The following ADAMTSL1 variants were observed in gnomAD, a reference collection of about 807,000 sequenced individuals.
ADAMTSL1 encodes the protein ADAMTS-like protein 1.
ADAMTSL1 carries 126 observed loss-of-function variants against 201.8 expected under a neutral mutation model. The observed-to-expected ratio is 0.62, with a 90% CI of 0.54 to 0.72. The LOEUF is 0.72. ADAMTSL1 is among the 30% of genes least tolerant of loss of function. ADAMTSL1 has a pLI of 0.00. For synonymous variants in ADAMTSL1, 1,121 were observed against 903.4 expected (o/e 1.24, Z -4.32); for missense variants, 2,679 against 2,277.8 (o/e 1.18, Z -3.59).
At chr9:18,565,027 C>G (rs1339031705) in intron 3 of ADAMTSL1, among the ~76,000 whole-genome samples, 2 of 152,126 alleles carry the variant, frequency 1.3e-5, no homozygotes, top group Non-Finnish European at 2.9e-5. Flanking sequence ...ACTTTTAAAG[C>G]TAAATGTTTT....
intron 1 of ADAMTSL1, among the ~76,000 whole-genome samples, chr9:17,923,453 G>T (rs1252831706): frequency 1.3e-5 from 2 of 150,090 alleles, no homozygotes; most frequent in East Asian, 3.9e-4. Context: ...GTCTGTTGTT[G>T]GTGTATAAGA....
At chr9:18,346,902 G>T (rs1254516017) in intron 2 of ADAMTSL1, among the ~76,000 whole-genome samples, 2 of 152,094 alleles carry the variant, frequency 1.3e-5, no homozygotes, top group East Asian at 1.9e-4. Flanking sequence ...ACAATGGAAG[G>T]CCCCAGCACA....
chr9:18,298,833 A>T (rs142421385), intron 2 of ADAMTSL1, among the ~76,000 whole-genome samples: 202 of 151,960 alleles, frequency 1.3e-3, no homozygotes, highest in African/African-American at 4.1e-3. Flanking sequence ...ACCACGGTGA[A>T]ACCCCGTCTC....
At chr9:18,217,252 G>A (rs1830088033) in intron 2 of ADAMTSL1, among the ~76,000 whole-genome samples, 1 of 152,154 alleles carries the variant, frequency 6.6e-6, no homozygotes, top group South Asian at 2.1e-4. Flanking sequence ...TCATTATGCT[G>A]CTTATTCTTC....
chr9:18,159,930 C>T (rs1252604421), intron 1 of ADAMTSL1, among the ~76,000 whole-genome samples: 1 of 152,004 alleles, frequency 6.6e-6, no homozygotes, highest in East Asian at 1.9e-4. Flanking sequence ...TTTAAACTAC[C>T]TTTACCTCAT....
At chr9:18,080,778 T>C (rs1424702607) in intron 1 of ADAMTSL1, among the ~76,000 whole-genome samples, 1 of 152,214 alleles carries the variant, frequency 6.6e-6, no homozygotes, top group Non-Finnish European at 1.5e-5. Context: ...ATGTAGATTT[T>C]CTGGTTCTAA....
At chr9:18,527,693 C>G (rs921174398) in intron 2 of ADAMTSL1, among the ~76,000 whole-genome samples, 1 of 151,984 alleles carries the variant, frequency 6.6e-6, no homozygotes, top group Non-Finnish European at 1.5e-5. Context: ...AGTATGTATC[C>G]AGTATATACT....
intron 14 of ADAMTSL1, among the ~76,000 whole-genome samples, chr9:18,708,357 T>G (rs1464253350): frequency 6.6e-6 from 1 of 152,194 alleles, no homozygotes; most frequent in African/African-American, 2.4e-5. Flanking sequence ...ATCTTCCAGT[T>G]TCAAACCCTG....
chr9:17,972,064 A>G (rs1818225115), intron 1 of ADAMTSL1, among the ~76,000 whole-genome samples: 1 of 151,876 alleles, frequency 6.6e-6, no homozygotes, highest in Admixed American at 6.6e-5. Context: ...ACCACTATAC[A>G]CTAATTAACA....
chr9:18,422,259 G>A (rs1818989899), intron 2 of ADAMTSL1, among the ~76,000 whole-genome samples: 1 of 152,132 alleles, frequency 6.6e-6, no homozygotes, highest in South Asian at 2.1e-4. Context: ...ATTTGGATGA[G>A]GTTCCTAAAA....
At chr9:18,120,273 A>G (rs930041034) in intron 1 of ADAMTSL1, among the ~76,000 whole-genome samples, 1 of 152,244 alleles carries the variant, frequency 6.6e-6, no homozygotes, top group Non-Finnish European at 1.5e-5. Flanking sequence ...GGCTTGGCCC[A>G]GAGTGAGTGA....
chr9:18,446,528 G>A (rs878974766), intron 2 of ADAMTSL1, among the ~76,000 whole-genome samples: 3 of 152,222 alleles, frequency 2.0e-5, no homozygotes, highest in African/African-American at 7.2e-5. Flanking sequence ...GCCTGTGCAG[G>A]CAATTGGGCT....
intron 1 of ADAMTSL1, among the ~76,000 whole-genome samples, chr9:18,135,009 C>T (rs990987194): frequency 1.9e-4 from 29 of 152,156 alleles, no homozygotes; most frequent in African/African-American, 6.5e-4. Context: ...AACACGGGAT[C>T]AGACAAGGGA....
At chr9:18,297,096 TAAC>T (rs1251235349) in intron 2 of ADAMTSL1, among the ~76,000 whole-genome samples, 2 of 152,154 alleles carry the variant, frequency 1.3e-5, no homozygotes, top group African/African-American at 4.8e-5. Context: ...TGCTGGGAAA[TAAC>T]AAAATTGGAC....
At chr9:17,969,069 A>G (rs1194480122) in intron 1 of ADAMTSL1, among the ~76,000 whole-genome samples, 5 of 151,988 alleles carry the variant, frequency 3.3e-5, no homozygotes, top group Admixed American at 1.3e-4. Context: ...TCCTGATTCA[A>G]TTACATTATT....
At chr9:18,310,668 C>T (rs1182677917) in intron 2 of ADAMTSL1, among the ~76,000 whole-genome samples, 2 of 152,064 alleles carry the variant, frequency 1.3e-5, no homozygotes, top group Non-Finnish European at 2.9e-5. Context: ...CCATCTCACG[C>T]CAGTTAGAAT....
intron 2 of ADAMTSL1, among the ~76,000 whole-genome samples, chr9:18,359,556 C>T (rs936060477): frequency 6.6e-6 from 1 of 152,150 alleles, no homozygotes; most frequent in Admixed American, 6.5e-5. Flanking sequence ...TGCCAGTGTT[C>T]ATAGCTTCCC....
intron 1 of ADAMTSL1, among the ~76,000 whole-genome samples, chr9:18,105,005 G>A (rs536892867): frequency 1.3e-5 from 2 of 151,930 alleles, no homozygotes; most frequent in Non-Finnish European, 2.9e-5. Context: ...TTAAGGAAGA[G>A]GTCAAGGCCG....
chr9:18,726,001 C>T (rs946258643), intron 15 of ADAMTSL1, among the ~76,000 whole-genome samples: 1 of 152,206 alleles, frequency 6.6e-6, no homozygotes, highest in Non-Finnish European at 1.5e-5. Flanking sequence ...TCACTTTCAG[C>T]TATCTGACCT....
Sources: allele counts gnomAD v4.1 joint callset (sites outside exome capture counted in the v4.1 genomes callset), GRCh38; gene constraint gnomAD v4.1.1; transcripts MANE v1.5; gene names NCBI Gene and HGNC (gene_info 2026-07-23, HGNC 2026-07-21).